FAM222A: variants seen among roughly 807,000 people sequenced by gnomAD.
FAM222A encodes the protein family with sequence similarity 222 member A.
A neutral mutation model predicts 25.8 loss-of-function variants in FAM222A; 7 were observed. That is an observed-to-expected ratio of 0.27 (90% CI 0.15 to 0.51). The LOEUF (loss-of-function observed/expected upper bound fraction) is 0.51. Among genes scored for constraint, FAM222A ranks in the 20% least tolerant of loss-of-function variants. FAM222A has a pLI of 0.97. For synonymous variants in FAM222A, 294 were observed against 298.8 expected (o/e 0.98, Z 0.17); for missense variants, 573 against 640.5 (o/e 0.89, Z 1.14).
At chr12:109,720,430 G>T (rs1386711361) in intron 1 of FAM222A, among the ~76,000 whole-genome samples, 1 of 152,236 alleles carries the variant, frequency 6.6e-6, no homozygotes, top group Admixed American at 6.5e-5. Flanking sequence ...CAGAGTCCAG[G>T]CCTGAGCTTG....
intron 2 of FAM222A, among the ~76,000 whole-genome samples, chr12:109,745,143 G>A (rs10850666): frequency 0.16 from 24,166 of 152,188 alleles, 2,101 homozygotes; most frequent in East Asian, 0.31. Context: ...CGCTTCCCTC[G>A]CAGAGGGGGT....
chr12:109,742,414 G>A (rs17616406), intron 1 of FAM222A, among the ~76,000 whole-genome samples: 30,476 of 152,206 alleles, frequency 0.2, 3,266 homozygotes, highest in Middle Eastern at 0.26. Flanking sequence ...CCTGCAATAA[G>A]CCCCACTTCA....
intron 1 of FAM222A, among the ~76,000 whole-genome samples, chr12:109,740,739 G>T (rs1477821519): frequency 6.6e-6 from 1 of 152,196 alleles, no homozygotes; most frequent in African/African-American, 2.4e-5. Context: ...GATTACTCTT[G>T]CCAGGCACTG....
intron 1 of FAM222A, among the ~76,000 whole-genome samples, chr12:109,715,118 G>A (rs990619353): frequency 6.6e-6 from 1 of 152,204 alleles, no homozygotes; most frequent in Admixed American, 6.5e-5. Flanking sequence ...ACCCTGGGCG[G>A]GTTGGTTGCC....
At chr12:109,719,242 C>T (rs1887705496) in intron 1 of FAM222A, among the ~76,000 whole-genome samples, 1 of 152,188 alleles carries the variant, frequency 6.6e-6, no homozygotes, top group Non-Finnish European at 1.5e-5. Flanking sequence ...ATGCTGGTAC[C>T]ACCCCCATTT....
At chr12:109,718,667 G>A (rs1887693510) in intron 1 of FAM222A, among the ~76,000 whole-genome samples, 1 of 152,378 alleles carries the variant, frequency 6.6e-6, no homozygotes, top group South Asian at 2.1e-4. Flanking sequence ...TGCGGGCCGC[G>A]GGAGGAGGGC....
chr12:109,742,164 G>C (rs533627709), intron 1 of FAM222A: 6 of 152,346 alleles, frequency 3.9e-5, no homozygotes, highest in Non-Finnish European at 8.8e-5. Context: ...GTAAGAGGGT[G>C]CCTGTAAGTG....
intron 1 of FAM222A, among the ~76,000 whole-genome samples, chr12:109,730,790 G>A (rs1193877440): frequency 6.6e-6 from 1 of 152,160 alleles, no homozygotes; most frequent in African/African-American, 2.4e-5. Flanking sequence ...CCTTGTCCCT[G>A]GCATTAAAGG....
In FAM222A at chr12:109,714,395, C is replaced by T. The variant is rs1379185243; in HGVS notation, c.-549C>T. 6.6e-6 allele frequency: 1 copy of T among 152,662 alleles called. No homozygotes were observed. Among genetic ancestry groups the T allele is most frequent in the Non-Finnish European group, 1.5e-5 (1 of 68,280 alleles). 9.5% of individuals were successfully genotyped at this position (152,662 alleles called of 1,614,324 possible). On this transcript the variant is annotated 5_prime_UTR_variant, in exon 1 of 3. Coordinates refer to ENST00000538780, the MANE Select transcript of FAM222A (RefSeq NM_032829.3). This position sits in a 1 kb window ranked among gnomAD's most constrained non-coding sequence, Gnocchi z 4.2. ...GCAACCCCCGAAGGAGACAATCCCT[C>T]CACCTCGGGGCGAACCCGGGGGCTG...
chr12:109,769,100 C>T lies in FAM222A; in HGVS notation c.1171C>T (p.Leu391=). ...AGPPADALSG[L]PSKSVCNTSV... ...GCCCCCTGCAGATGCCCTCTCGGGC[C>T]TGCCCAGCAAGAGTGTGTGCAACAC... is the stretch of plus-strand genomic sequence containing the variant. The change falls in exon 3 of 3, where the codon CTG becomes TTG. Residue 391 remains leucine (L), a synonymous_variant. Coordinates refer to ENST00000538780, the MANE Select transcript of FAM222A (RefSeq NM_032829.3). The T allele has an allele frequency of 1.2e-6, 2 of 1,609,374 alleles. No individual in the cohort carries two copies. The highest frequency in any genetic ancestry group is 1.7e-6 in the Non-Finnish European group (2 of 1,178,506).
chr12:109,725,758 CAATT>C lies in FAM222A; in HGVS notation c.-47+10865_-47+10868del, dbSNP rs1887828434. Among the ~76,000 whole-genome samples, 3 of 151,866 alleles carry C rather than the reference CAATT, an allele frequency of 2.0e-5. 1 individual carries two copies. Among genetic ancestry groups the C allele is most frequent in the African/African-American group, 4.8e-5 (2 of 41,338 alleles). ...CCAAGTTGTGCTTTGTAAACGCTCA[CAATT>C]AATGCCAATCAGGCCCGGAAAAAAG... is the stretch of plus-strand genomic sequence containing the variant. On this transcript the variant is annotated intron_variant, in intron 1 of 2. Coordinates refer to ENST00000538780, the MANE Select transcript of FAM222A (RefSeq NM_032829.3).
At chr12:109,740,388 T>A (rs956032578) in intron 1 of FAM222A, among the ~76,000 whole-genome samples, 25 of 152,326 alleles carry the variant, frequency 1.6e-4, no homozygotes, top group South Asian at 8.3e-4. Context: ...CCCCTTTTTT[T>A]ATTAAAGTCA....
intron 1 of FAM222A, among the ~76,000 whole-genome samples, chr12:109,715,672 G>A (rs1394797985): frequency 2.6e-5 from 4 of 152,184 alleles, no homozygotes; most frequent in Non-Finnish European, 5.9e-5. Flanking sequence ...AGCTGTCCCT[G>A]TTGATGCTCC....
chr12:109,747,874 CT>C (rs1167639138), intron 2 of FAM222A, among the ~76,000 whole-genome samples: 1 of 152,174 alleles, frequency 6.6e-6, no homozygotes, highest in African/African-American at 2.4e-5. Flanking sequence ...AATTTACCCC[CT>C]ATTTTGTTTT....
chr12:109,739,289 C>A (rs1392804949), intron 1 of FAM222A, among the ~76,000 whole-genome samples: 1 of 152,230 alleles, frequency 6.6e-6, no homozygotes, highest in East Asian at 1.9e-4. Flanking sequence ...CCTGCCACAT[C>A]AGGAAAATGC....
intron 1 of FAM222A, among the ~76,000 whole-genome samples, chr12:109,716,359 C>T (rs1361890483): frequency 1.3e-5 from 2 of 152,072 alleles, no homozygotes; most frequent in South Asian, 2.1e-4. Context: ...CAGCGTGGGG[C>T]GGGGTAAGAG....
intron 1 of FAM222A, among the ~76,000 whole-genome samples, chr12:109,732,839 C>T (rs1266053294): frequency 1.3e-5 from 2 of 152,260 alleles, no homozygotes; most frequent in African/African-American, 2.4e-5. Context: ...GCCCATCATC[C>T]CTACCTCCGT....
At chr12:109,744,655 G>A (rs2136346266) in intron 2 of FAM222A, 1 of 985,368 alleles carries the variant, frequency 1.0e-6, no homozygotes, top group Middle Eastern at 5.2e-4. Flanking sequence ...TCCCTCTCTG[G>A]CCTTGCTTTT....
At chr12:109,757,457 G>A (rs1888765997) in intron 2 of FAM222A, among the ~76,000 whole-genome samples, 1 of 152,152 alleles carries the variant, frequency 6.6e-6, no homozygotes, top group Admixed American at 6.5e-5. Flanking sequence ...TGCCATGCTG[G>A]GGCAAGTGGT....
Sources: allele counts gnomAD v4.1 joint callset (sites outside exome capture counted in the v4.1 genomes callset), GRCh38; gene constraint gnomAD v4.1.1; non-coding constraint Gnocchi (gnomAD v3.1); transcripts MANE v1.5; gene names NCBI Gene and HGNC (gene_info 2026-07-23, HGNC 2026-07-21).